UGT1A9: variants seen among roughly 807,000 people sequenced by gnomAD.
UGT1A9 encodes UDP-glucuronosyltransferase 1A9.
Under a neutral mutation model 45.0 loss-of-function variants are expected in UGT1A9, and 35 were observed. That is an observed-to-expected ratio of 0.78 (90% CI 0.59 to 1.03). UGT1A9 has a LOEUF of 1.03. UGT1A9 is among the 50% of genes least tolerant of loss of function. The pLI is 0.00. For missense variants in UGT1A9, 687 were observed against 666.6 expected (o/e 1.03, Z -0.34); for synonymous variants, 278 against 250.6 (o/e 1.11, Z -1.03).
chr2:233,753,284 A>G (rs1327448691), intron 1 of UGT1A9: 1 of 152,242 alleles, frequency 6.6e-6, no homozygotes, highest in African/African-American at 2.4e-5. Context: ...TTGATTTCAG[A>G]GTTCAGTGTG....
At chr2:233,747,332 A>T in intron 1 of UGT1A9, 1 of 1,603,532 alleles carries the variant, frequency 6.2e-7, no homozygotes, top group Non-Finnish European at 8.5e-7. Flanking sequence ...GATGGCAGCC[A>T]CTGGCTCGCA....
intron 1 of UGT1A9, among the ~76,000 whole-genome samples, chr2:233,677,963 C>A (rs2074404460): frequency 6.6e-6 from 1 of 152,098 alleles, no homozygotes; most frequent in South Asian, 2.1e-4. Flanking sequence ...ATGTGGAACA[C>A]ATACTCCATG....
intron 1 of UGT1A9, chr2:233,747,483 C>A (rs993277218): frequency 6.2e-7 from 1 of 1,608,496 alleles, no homozygotes; most frequent in Non-Finnish European, 8.5e-7. Context: ...TGAATTTGAT[C>A]GCCTTGTGCT....
chr2:233,682,772 C>T, intron 1 of UGT1A9: 1 of 1,613,256 alleles, frequency 6.2e-7, no homozygotes, highest in Admixed American at 1.7e-5. Flanking sequence ...CAACTGTCAT[C>T]AGGGAAAGCC....
intron 1 of UGT1A9, chr2:233,713,566 C>T: frequency 6.2e-7 from 1 of 1,613,980 alleles, no homozygotes; most frequent in Non-Finnish European, 8.5e-7. Flanking sequence ...AACCCTTCCT[C>T]CTATATTCCT....
intron 1 of UGT1A9, chr2:233,752,621 T>A (rs1428833052): frequency 3.3e-5 from 5 of 152,162 alleles, no homozygotes; most frequent in Admixed American, 3.3e-4. Context: ...TAGCTAGGTG[T>A]GGTAGCTGTT....
intron 1 of UGT1A9, among the ~76,000 whole-genome samples, chr2:233,764,720 G>A (rs1488683607): frequency 6.6e-6 from 1 of 152,208 alleles, no homozygotes; most frequent in African/African-American, 2.4e-5. Flanking sequence ...CCCCAAGAAA[G>A]AGGGAGAGAA....
chr2:233,772,189 A>G, intron 4 of UGT1A9, 73 bp from the exon 5 acceptor site: 1 of 1,597,464 alleles, frequency 6.3e-7, no homozygotes, highest in Non-Finnish European at 8.5e-7. Context: ...CTTCTTAAGC[A>G]GCCATGAGCA....
intron 1 of UGT1A9, among the ~76,000 whole-genome samples, chr2:233,686,415 A>G (rs536972328): frequency 1.3e-5 from 2 of 152,306 alleles, no homozygotes; most frequent in South Asian, 2.1e-4. Context: ...AGGTGTGCAG[A>G]TAAACACACG....
chr2:233,686,584 C>T lies in UGT1A9; in HGVS notation c.855+13795C>T, dbSNP rs371449627. ...TGGTTTCAGAAGTTAGTGTGGATTACTGCTGCTTTCTTTGACTGTCTCTCT... is the reference window on the plus strand; with the variant it reads ...TGGTTTCAGAAGTTAGTGTGGATTATTGCTGCTTTCTTTGACTGTCTCTCT... On this transcript the variant is annotated intron_variant, in intron 1 of 4. Coordinates refer to ENST00000354728, the MANE Select transcript of UGT1A9 (RefSeq NM_021027.3). Among the ~76,000 whole-genome samples, 18 of 152,174 alleles carry T rather than the reference C, an allele frequency of 1.2e-4. No homozygotes were observed. In the East Asian group the frequency reaches 3.3e-3, roughly 28 times the overall value.
chr2:233,772,485 T>A lies in UGT1A9; in HGVS notation c.1519T>A (p.Cys507Ser). The change falls in exon 5 of 5, where the codon TGT becomes AGT. Residue 507 changes from cysteine (C) to serine (S), a missense_variant. Physicochemically the swap from Cys to Ser is moderately radical, Grantham distance 112 (BLOSUM62 -1). Transcript: ENST00000354728. The stretch of plus-strand genomic sequence containing the variant: ...AGTGGCCTTCATCACCTTTAAATGT[T>A]GTGCTTATGGCTACCGGAAATGCTT... ...LTVAFITFKC[C>S]AYGYRKCLGK... 2 of 1,614,206 alleles carry A rather than the reference T, an allele frequency of 1.2e-6. No individual in the cohort carries two copies. The highest frequency in any genetic ancestry group is 1.7e-6 in the Non-Finnish European group (2 of 1,180,040).
At chr2:233,729,345 C>A (rs200579886) in intron 1 of UGT1A9, 337 of 1,614,208 alleles carry the variant, frequency 2.1e-4, no homozygotes, top group Admixed American at 3.5e-4. Flanking sequence ...AAGAAGAGAA[C>A]TTTTTCACCC....
intron 1 of UGT1A9, among the ~76,000 whole-genome samples, chr2:233,705,423 T>G (rs935031731): frequency 2.0e-5 from 3 of 152,256 alleles, no homozygotes; most frequent in Non-Finnish European, 4.4e-5. Context: ...CAGAGGTGGC[T>G]CATAACTTAT....
At chr2:233,726,124 C>T (rs1256965753) in intron 1 of UGT1A9, among the ~76,000 whole-genome samples, 1 of 152,176 alleles carries the variant, frequency 6.6e-6, no homozygotes, top group Non-Finnish European at 1.5e-5. Flanking sequence ...CATGTTCACA[C>T]CACCTCACTC....
At chr2:233,688,797 A>G (rs2074913951) in intron 1 of UGT1A9, among the ~76,000 whole-genome samples, 1 of 152,202 alleles carries the variant, frequency 6.6e-6, no homozygotes, top group Non-Finnish European at 1.5e-5. Flanking sequence ...GAAGGCATTG[A>G]TTAGCTACAA....
chr2:233,673,935 G>A (rs1028296216), intron 1 of UGT1A9, among the ~76,000 whole-genome samples: 1 of 152,122 alleles, frequency 6.6e-6, no homozygotes, highest in African/African-American at 2.4e-5. Context: ...AAGCACTATT[G>A]AGTAATATTG....
At chr2:233,760,189 G>T in intron 1 of UGT1A9, 1 of 1,566,266 alleles carries the variant, frequency 6.4e-7, no homozygotes. Context: ...TTATAGTCAC[G>T]TGACACAGTC....
intron 1 of UGT1A9, among the ~76,000 whole-genome samples, chr2:233,739,207 A>C (rs1231996785): frequency 6.6e-6 from 1 of 152,240 alleles, no homozygotes; most frequent in African/African-American, 2.4e-5. Context: ...CGTTTGCTGC[A>C]TGGATAGAGT....
intron 1 of UGT1A9, among the ~76,000 whole-genome samples, chr2:233,739,951 G>A (rs533176233): frequency 1.3e-5 from 2 of 151,940 alleles, no homozygotes; most frequent in East Asian, 1.9e-4. Context: ...TACCTGGTGG[G>A]AGCTGATTGA....
Sources: allele counts gnomAD v4.1 joint callset (sites outside exome capture counted in the v4.1 genomes callset), GRCh38; gene constraint gnomAD v4.1.1; transcripts MANE v1.5; gene names NCBI Gene and HGNC (gene_info 2026-07-23, HGNC 2026-07-21).